The following FAM227A variants were observed in gnomAD, a reference collection of about 807,000 sequenced individuals.
FAM227A encodes the protein protein FAM227A.
Under a neutral mutation model 74.7 loss-of-function variants are expected in FAM227A, and 80 were observed. The ratio of observed to expected loss-of-function variants is 1.07; its 90% CI spans 0.89 to 1.29. The LOEUF is 1.29. Ranked by LOEUF, FAM227A falls within the 50% of genes most tolerant of loss-of-function variation. The pLI is 0.00. For missense variants in FAM227A, 654 were observed against 683.4 expected (o/e 0.96, Z 0.48); for synonymous variants, 237 against 241.8 (o/e 0.98, Z 0.19).
chr22:38,628,940 G>GAA lies in FAM227A; in HGVS notation c.520-7_520-6dup. 7.0e-7 allele frequency: 1 copy of GAA among 1,426,244 alleles called. No individual in the cohort carries two copies. Among genetic ancestry groups the GAA allele is most frequent in the Non-Finnish European group, 9.5e-7 (1 of 1,057,828 alleles). 88.3% of individuals were successfully genotyped at this position (1,426,244 alleles called of 1,614,324 possible). A position where few individuals can be genotyped will look rare whatever the true frequency, so the allele number is the denominator to read the frequency against. Reference sequence around the variant, plus strand: ...TTCTCTACCTGAACAGAAATGCTTGGAAAAAAAAATTCACAGTATTATTAT... The same window carrying GAA: ...TTCTCTACCTGAACAGAAATGCTTGGAAAAAAAAAAATTCACAGTATTATTAT... On this transcript the variant is annotated splice_polypyrimidine_tract_variant and splice_region_variant and intron_variant, in intron 6 of 16. Coordinates refer to ENST00000535113, the MANE Select transcript of FAM227A (RefSeq NM_001013647.2).
intron 11 of FAM227A, among the ~76,000 whole-genome samples, chr22:38,617,077 A>C (rs2091593512): frequency 6.6e-6 from 1 of 151,986 alleles, no homozygotes; most frequent in Non-Finnish European, 1.5e-5. Flanking sequence ...AGTGTTTCGA[A>C]GGTGGGAGAA....
intron 3 of FAM227A, 37 bp from the exon 4 acceptor site, chr22:38,639,761 A>G: frequency 1.4e-6 from 2 of 1,397,404 alleles, no homozygotes; most frequent in Non-Finnish European, 2.0e-6. Flanking sequence ...ATTAGGGATT[A>G]ATGCAAATCC....
At chr22:38,613,174 A>G (rs1478290950) in intron 11 of FAM227A, among the ~76,000 whole-genome samples, 2 of 81,798 alleles carry the variant, frequency 2.4e-5, no homozygotes, top group African/African-American at 5.8e-5. Flanking sequence ...TGCTGTATAT[A>G]TATTATATAT....
intron 6 of FAM227A, among the ~76,000 whole-genome samples, chr22:38,631,744 G>C (rs954152361): frequency 2.6e-5 from 4 of 151,874 alleles, no homozygotes; most frequent in Non-Finnish European, 5.9e-5. Flanking sequence ...GACTGGGAGC[G>C]GTTCTGAAAC....
chr22:38,607,116 G>A (rs2091300281), intron 12 of FAM227A, among the ~76,000 whole-genome samples: 1 of 149,416 alleles, frequency 6.7e-6, no homozygotes, highest in Non-Finnish European at 1.5e-5. Context: ...GGCGGAGGCT[G>A]CAGTGAGCTG....
chr22:38,610,350 G>C (rs1356427752), intron 11 of FAM227A, among the ~76,000 whole-genome samples: 1 of 152,148 alleles, frequency 6.6e-6, no homozygotes, highest in Non-Finnish European at 1.5e-5. Flanking sequence ...TTCTTAACAG[G>C]CCTCAGAGAG....
At chr22:38,590,116 A>AAC (rs1054149865) in intron 16 of FAM227A, among the ~76,000 whole-genome samples, 2 of 151,014 alleles carry the variant, frequency 1.3e-5, no homozygotes, top group African/African-American at 4.9e-5. Flanking sequence ...AACAAAACAA[A>AAC]AAAACGAAAA....
intron 13 of FAM227A, among the ~76,000 whole-genome samples, chr22:38,604,991 A>T (rs113020006): frequency 0.015 from 2,213 of 152,014 alleles, 54 homozygotes; most frequent in African/African-American, 0.05. Context: ...TTTTACTTTT[A>T]GTATCACTTA....
chr22:38,595,168 C>G (rs2091018108), intron 15 of FAM227A, among the ~76,000 whole-genome samples: 1 of 152,156 alleles, frequency 6.6e-6, no homozygotes, highest in African/African-American at 2.4e-5. Context: ...TCTACATATT[C>G]ATATTTTTCT....
intron 15 of FAM227A, among the ~76,000 whole-genome samples, chr22:38,591,800 C>A (rs2090943184): frequency 6.6e-6 from 1 of 152,174 alleles, no homozygotes; most frequent in African/African-American, 2.4e-5. Context: ...CACATCCCTG[C>A]TCAGTCACTA....
At chr22:38,589,903 C>T (rs1325028951) in intron 16 of FAM227A, among the ~76,000 whole-genome samples, 1 of 152,002 alleles carries the variant, frequency 6.6e-6, no homozygotes, top group Non-Finnish European at 1.5e-5. Flanking sequence ...GAGTTCGAGA[C>T]CAGCCTGGGC....
intron 1 of FAM227A, among the ~76,000 whole-genome samples, chr22:38,652,007 T>C (rs1603093861): frequency 6.7e-6 from 1 of 150,000 alleles, no homozygotes; most frequent in East Asian, 2.1e-4. Flanking sequence ...GCCAACGTGG[T>C]GAAACGCCAT....
rs551552366 is a variant in FAM227A at position 38,604,263 on chromosome 22, G to T, written c.1221+991C>A. Among the ~76,000 whole-genome samples the T allele has an allele frequency of 1.7e-4, 26 of 152,322 alleles. No individual in the cohort carries two copies. In the East Asian group the frequency reaches 5.0e-3, roughly 29 times the overall value. On this transcript the variant is annotated intron_variant, in intron 13 of 16. Coordinates refer to ENST00000535113, the MANE Select transcript of FAM227A (RefSeq NM_001013647.2). ...AATCACTTGAACCCAGGAGGTGGAG[G>T]TTACAGTGAGCTGAGACGGCACCAC...
chr22:38,653,979 G>A (rs1475084360), intron 1 of FAM227A: 2 of 152,198 alleles, frequency 1.3e-5, no homozygotes, highest in Non-Finnish European at 2.9e-5. Flanking sequence ...GAACAACACT[G>A]TAAGATGACA....
At position 38,646,679 on chromosome 22, in the gene FAM227A, C is replaced by A. The variant is rs191121444; in HGVS notation, c.143-1034G>T. On this transcript the variant is annotated intron_variant, in intron 2 of 16. Coordinates refer to ENST00000535113, the MANE Select transcript of FAM227A (RefSeq NM_001013647.2). ...ATTATTTTTTTTTTTGAGATGGAGT[C>A]TCACTCGCCCGGCCACTCTTCCATT... 1.3e-4 allele frequency among the ~76,000 whole-genome samples: 20 copies of A among 150,902 alleles called. No homozygotes were observed. The East Asian group carries it at 2.9e-3, about 22-fold the overall frequency.
chr22:38,584,964 T>C lies in FAM227A; in HGVS notation c.*1161A>G, dbSNP rs2090775605. On this transcript the variant is annotated 3_prime_UTR_variant, in exon 17 of 17. Coordinates refer to ENST00000535113, the MANE Select transcript of FAM227A (RefSeq NM_001013647.2). Reference sequence around the variant, plus strand: ...GGTGCCCGCCACAACATCCAGCTAATTTTTGTATTTTTAGTAGAGATGGGG... The same window carrying C: ...GGTGCCCGCCACAACATCCAGCTAACTTTTGTATTTTTAGTAGAGATGGGG... The C allele has an allele frequency of 2.0e-5, 3 of 151,874 alleles. No homozygotes were observed. The highest frequency in any genetic ancestry group is 7.3e-5 in the African/African-American group (3 of 41,318). 9.4% of individuals were successfully genotyped at this position (151,874 alleles called of 1,614,324 possible).
intron 6 of FAM227A, among the ~76,000 whole-genome samples, chr22:38,631,221 T>C (rs961797330): frequency 6.6e-6 from 1 of 152,124 alleles, no homozygotes; most frequent in Non-Finnish European, 1.5e-5. Flanking sequence ...AAAAGAATGA[T>C]ATCGTGTCCT....
intron 16 of FAM227A, among the ~76,000 whole-genome samples, chr22:38,589,040 C>T (rs935847720): frequency 2.0e-5 from 3 of 152,000 alleles, no homozygotes; most frequent in African/African-American, 7.3e-5. Flanking sequence ...GTGAATAAGA[C>T]CTTTTTTGGA....
intron 11 of FAM227A, 116 bp downstream of exon 11, chr22:38,620,096 G>A: frequency 1.4e-6 from 1 of 701,654 alleles, no homozygotes; most frequent in Non-Finnish European, 2.4e-6. Flanking sequence ...AGTGGACCTG[G>A]GCAAGGGGTA....
Sources: allele counts gnomAD v4.1 joint callset (sites outside exome capture counted in the v4.1 genomes callset), GRCh38; gene constraint gnomAD v4.1.1; transcripts MANE v1.5; gene names NCBI Gene and HGNC (gene_info 2026-07-23, HGNC 2026-07-21).